CEP350: variants seen among roughly 807,000 people sequenced by gnomAD.
CEP350 encodes the protein centrosome-associated protein 350.
In CEP350, 126 loss-of-function variants were observed where a neutral mutation model predicts 331.8. The observed-to-expected ratio is 0.38, with a 90% CI of 0.33 to 0.44. The LOEUF is 0.44. CEP350 is among the 20% of genes least tolerant of loss of function. The probability of loss-of-function intolerance (pLI) is 1.00; values close to 1 mark genes in which losing one functional copy is unlikely to be tolerated. For missense variants in CEP350, 3,406 were observed against 3,634.6 expected (o/e 0.94, Z 1.62); for synonymous variants, 1,200 against 1,259.5 (o/e 0.95, Z 1.00).
rs762531786 is a variant in CEP350, at chr1:179,997,055, A to G, written c.898A>G (p.Asn300Asp). The change falls in exon 6 of 38, where the codon AAT (asparagine) becomes GAT (aspartate). Residue 300 changes from asparagine (N) to aspartate (D), a missense_variant. Asn to Asp is a conservative substitution (Grantham distance 23). Around this residue, in one of 5 missense-constraint regions of CEP350, gnomAD observed 1,857 missense variants for 1,909.2 expected, o/e 0.97. Coordinates refer to ENST00000367607, the MANE Select transcript of CEP350 (RefSeq NM_014810.5). Reference protein sequence around the residue: ...RKQWEHSEETNGRGQKLGHID... With the variant: ...RKQWEHSEETDGRGQKLGHID... ...ACAGTGGGAACACTCAGAAGAAACAAATGGCCGGGGCCAGAAGCTGGGTCA... is the reference window on the plus strand; with the variant it reads ...ACAGTGGGAACACTCAGAAGAAACAGATGGCCGGGGCCAGAAGCTGGGTCA... 4 of 1,614,032 alleles carry G rather than the reference A, an allele frequency of 2.5e-6. No individual in the cohort carries two copies. In the Admixed American group the frequency reaches 6.7e-5, roughly 27 times the overall value.
rs543616938 is a variant in CEP350 at position 180,102,269 on chromosome 1, G to A, written c.9189+3284G>A. 5.9e-5 allele frequency among the ~76,000 whole-genome samples: 9 copies of A among 152,072 alleles called. No homozygotes were observed. In the South Asian group the frequency reaches 1.9e-3, roughly 32 times the overall value. On this transcript the variant is annotated intron_variant, in intron 37 of 37. Coordinates refer to ENST00000367607, the MANE Select transcript of CEP350 (RefSeq NM_014810.5). ...TCCTGTCTCAGTCTCCGGAGTAGCT[G>A]GGATTAGAGGCGCATGCCACCATGC...
chr1:179,978,574 C>T (rs183926407), intron 1 of CEP350, among the ~76,000 whole-genome samples: 8 of 151,946 alleles, frequency 5.3e-5, no homozygotes, highest in African/African-American at 1.7e-4. Flanking sequence ...AACCTCTGTT[C>T]TACTTTTCTA....
Position 179,978,846 on chromosome 1 carries a change from G to C in CEP350, c.-13-7323G>C, listed in dbSNP as rs942829151. On this transcript the variant is annotated intron_variant, in intron 1 of 37. Transcript: ENST00000367607. ...TTGTGACCTCCCGTGTTCTCATTTG[G>C]TTACTGTTTACATGCAGTTTCTTTT... is the stretch of plus-strand genomic sequence containing the variant. 2.5e-4 allele frequency among the ~76,000 whole-genome samples: 38 copies of C among 151,950 alleles called. 1 individual carries two copies. Among genetic ancestry groups the C allele is most frequent in the African/African-American group, 8.9e-4 (37 of 41,378 alleles).
chr1:180,083,666 T>C (rs771926045), intron 30 of CEP350, among the ~76,000 whole-genome samples: 2 of 152,214 alleles, frequency 1.3e-5, no homozygotes, highest in Non-Finnish European at 2.9e-5. Context: ...AGAAGTAATT[T>C]CTTGCAGAAT....
intron 36 of CEP350, among the ~76,000 whole-genome samples, chr1:180,096,583 T>C (rs765700923): frequency 6.6e-5 from 10 of 152,332 alleles, no homozygotes; most frequent in East Asian, 1.9e-4. Flanking sequence ...ACGTGTCATA[T>C]ATATGTCTTT....
intron 21 of CEP350, among the ~76,000 whole-genome samples, chr1:180,044,822 T>G (rs1657013586): frequency 6.8e-6 from 1 of 148,112 alleles, no homozygotes. Flanking sequence ...AAACTTAAAG[T>G]ATAATAATAA....
chr1:180,078,245 T>C (rs1178201471), intron 28 of CEP350, among the ~76,000 whole-genome samples: 1 of 152,154 alleles, frequency 6.6e-6, no homozygotes, highest in Non-Finnish European at 1.5e-5. Flanking sequence ...TAAGGTGTAG[T>C]GATTAAAATA....
Position 180,053,929 on chromosome 1 carries a change from A to G in CEP350, c.5169A>G (p.Gln1723=), listed in dbSNP as rs550464566. 16 of 1,542,198 alleles carry G rather than the reference A, an allele frequency of 1.0e-5. No individual in the cohort carries two copies. Among genetic ancestry groups the G allele is most frequent in the Non-Finnish European group, 1.4e-5 (16 of 1,144,604 alleles). The change falls in exon 24 of 38, where the codon CAA becomes CAG. Residue 1723 remains glutamine (Q), a synonymous_variant. Transcript: ENST00000367607. ...TKAELAWLEH[Q]KKHLRDKGED... ...CTGAATTGGCCTGGTTAGAGCATCA[A>G]AAAAAGTAAGTTCTTTTGAGCAGTT...
Position 180,108,713 on chromosome 1 carries a change from AT to A in CEP350, c.9190-2281del, listed in dbSNP as rs529314345. On this transcript the variant is annotated intron_variant, in intron 37 of 37. Transcript: ENST00000367607. ...CCAATTCCATGGTAGGTTGACAAGTATTTCGTAGATACCCATGATTCTGTGG... is the reference window on the plus strand; with the variant it reads ...CCAATTCCATGGTAGGTTGACAAGTATTCGTAGATACCCATGATTCTGTGG... Among the ~76,000 whole-genome samples the A allele has an allele frequency of 3.8e-3, 578 of 152,316 alleles. 3 individuals are homozygous for A. The highest frequency in any genetic ancestry group is 5.4e-3 in the Non-Finnish European group (370 of 68,026).
At chr1:179,999,436 C>A (rs950242178) in intron 6 of CEP350, among the ~76,000 whole-genome samples, 1 of 151,788 alleles carries the variant, frequency 6.6e-6, no homozygotes, top group African/African-American at 2.4e-5. Flanking sequence ...CATTTGAGAA[C>A]TCATTATAGA....
chr1:180,080,680 AG>A lies in CEP350; in HGVS notation c.6124+20del. ...CAGTCAGGTAAGACTAATCATGAGG[AG>A]TTTTTATTTGTGTTGTATTTGAACA... On this transcript the variant is annotated intron_variant, in intron 30 of 37. Transcript: ENST00000367607. The A allele has an allele frequency of 6.2e-7, 1 of 1,608,988 alleles. No individual in the cohort carries two copies. The highest frequency in any genetic ancestry group is 8.5e-7 in the Non-Finnish European group (1 of 1,176,098).
At chr1:179,994,492 T>C (rs2148705910) in intron 5 of CEP350, among the ~76,000 whole-genome samples, 1 of 150,944 alleles carries the variant, frequency 6.6e-6, no homozygotes, top group Middle Eastern at 3.4e-3. Flanking sequence ...CTCACTCTGT[T>C]GCCCAGGCTG....
intron 8 of CEP350, among the ~76,000 whole-genome samples, chr1:180,007,679 C>T (rs532926427): frequency 2.2e-4 from 34 of 152,090 alleles, no homozygotes; most frequent in African/African-American, 8.2e-4. Context: ...AGTCTTTGCC[C>T]GTGCCTATGT....
chr1:180,049,186 T>A (rs1445314522), intron 22 of CEP350, among the ~76,000 whole-genome samples: 1 of 152,214 alleles, frequency 6.6e-6, no homozygotes, highest in East Asian at 1.9e-4. Context: ...TTTCTAACTT[T>A]ATCTCATTAA....
At chr1:180,090,529 G>A (rs1184194705) in intron 32 of CEP350, among the ~76,000 whole-genome samples, 185 bp from the exon 33 acceptor site, 2 of 111,644 alleles carry the variant, frequency 1.8e-5, no homozygotes, top group Non-Finnish European at 3.5e-5. Context: ...CTGGGCGACA[G>A]AGCGAGACTC....
At chr1:180,037,220 T>C (rs1331951484) in intron 17 of CEP350, 131 bp downstream of exon 17, 7 of 657,922 alleles carry the variant, frequency 1.1e-5, no homozygotes, top group Non-Finnish European at 1.6e-5. Flanking sequence ...TATAAATAAA[T>C]AGTCCTGGGA....
chr1:180,011,845 A>T, intron 8 of CEP350, 84 bp from the exon 9 acceptor site: 2 of 878,402 alleles, frequency 2.3e-6, no homozygotes, highest in Non-Finnish European at 3.4e-6. Context: ...ACATAAGATT[A>T]ATAATAAAAC....
chr1:179,997,683 G>T (rs917738115), intron 6 of CEP350, among the ~76,000 whole-genome samples: 1 of 152,098 alleles, frequency 6.6e-6, no homozygotes, highest in African/African-American at 2.4e-5. Flanking sequence ...GATTCTTGTG[G>T]TTTGAGAACC....
At chr1:179,983,139 G>A (rs1183265485) in intron 1 of CEP350, among the ~76,000 whole-genome samples, 1 of 152,042 alleles carries the variant, frequency 6.6e-6, no homozygotes, top group Non-Finnish European at 1.5e-5. Flanking sequence ...TTTTATGGTT[G>A]ATAAAATGTT....
Sources: allele counts gnomAD v4.1 joint callset (sites outside exome capture counted in the v4.1 genomes callset), GRCh38; gene constraint gnomAD v4.1.1; regional missense constraint gnomAD v4.1.1; transcripts MANE v1.5; gene names NCBI Gene and HGNC (gene_info 2026-07-23, HGNC 2026-07-21).